Variants in TBX4 observed in about 807,000 individuals in gnomAD.
TBX4 encodes T-box transcription factor 4.
TBX4 carries 13 observed loss-of-function variants against 54.6 expected under a neutral mutation model. That is an observed-to-expected ratio of 0.24 (90% confidence interval 0.15 to 0.38). TBX4 has a LOEUF of 0.38. Ranked by LOEUF, TBX4 falls within the 10% of genes least tolerant of loss-of-function variation. The probability of loss-of-function intolerance (pLI) is 1.00; values close to 1 mark genes in which losing one functional copy is unlikely to be tolerated. For synonymous variants in TBX4, 314 were observed against 306.7 expected, an observed-to-expected ratio of 1.02 and a Z score of -0.25; for missense variants, 631 against 728.5, an observed-to-expected ratio of 0.87 and a Z score of 1.54.
At position 61,480,073 on chromosome 17, in the gene TBX4, C is replaced by A. The variant is rs765664594; in HGVS notation, c.792-17C>A. 38 of 1,612,660 alleles carry A rather than the reference C, an allele frequency of 2.4e-5. No homozygotes were observed. The East Asian group carries it at 8.0e-4, about 34-fold the overall frequency. On this transcript the variant is annotated splice_polypyrimidine_tract_variant and intron_variant, in intron 7 of 8. Transcript: ENST00000644296. This position sits in a 1 kb window ranked among gnomAD's most constrained non-coding sequence, Gnocchi z 6.2. ...ACTCTCTTCCTGTCTCTCCTCCTGT[C>A]CTCCCCACCCCTTCAGCAAAGAATA...
chr17:61,465,360 C>T lies in TBX4; in HGVS notation c.282-459C>T, dbSNP rs530922179. ...GCTCATTATTTATGGAAGCAGCTGA[C>T]GGGGGTTTCCGTCCCCCTATAACTG... On this transcript the variant is annotated intron_variant, in intron 3 of 8. Transcript: ENST00000644296. The surrounding 1 kb of genome is among the most constrained non-coding windows in gnomAD (Gnocchi z 4.9). Among the ~76,000 whole-genome samples the T allele has an allele frequency of 7.9e-5, 12 of 152,298 alleles. No individual in the cohort carries two copies. In the South Asian group the frequency reaches 1.0e-3, roughly 13 times the overall value.
intron 5 of TBX4, among the ~76,000 whole-genome samples, chr17:61,471,547 T>C (rs2143835790): frequency 1.3e-5 from 2 of 151,868 alleles, no homozygotes; most frequent in East Asian, 3.9e-4. Flanking sequence ...TTCAGCATTT[T>C]TTTTTTTTTT....
chr17:61,456,198 G>A (rs939055912), intron 1 of TBX4, among the ~76,000 whole-genome samples: 10 of 152,218 alleles, frequency 6.6e-5, no homozygotes, highest in African/African-American at 2.4e-4. Flanking sequence ...CTGTGGCAAT[G>A]CCGAGAGGGC....
rs1333494730 is a variant in TBX4 at position 61,478,913 on chromosome 17, G to A, written c.702+134G>A. On this transcript the variant is annotated intron_variant, in intron 6 of 8. Coordinates refer to ENST00000644296, the MANE Select transcript of TBX4 (RefSeq NM_001321120.2). This position sits in a 1 kb window ranked among gnomAD's most constrained non-coding sequence, Gnocchi z 7.4. ...CAGGCCCAGTGCAGGGACCTCAGAA[G>A]CCTAGAGTCCCTCGGAGCCGCGAGC... The A allele has an allele frequency of 7.2e-7, 1 of 1,397,930 alleles. No homozygotes were observed. 86.6% of individuals were successfully genotyped at this position (1,397,930 alleles called of 1,614,324 possible).
chr17:61,454,902 C>T (rs2060435738), intron 1 of TBX4, among the ~76,000 whole-genome samples: 1 of 152,250 alleles, frequency 6.6e-6, no homozygotes, highest in South Asian at 2.1e-4. Context: ...CGCTTGGTCG[C>T]TGGAGCCGAT....
rs547903006 is a variant in TBX4 at position 61,479,241 on chromosome 17, C to A, written c.702+462C>A. Among the ~76,000 whole-genome samples the A allele has an allele frequency of 6.6e-6, 1 of 152,232 alleles. No individual in the cohort carries two copies. Among genetic ancestry groups the A allele is most frequent in the South Asian group, 2.1e-4 (1 of 4,822 alleles). Reference sequence around the variant, plus strand: ...TCCCAGGCTGTGATAGGAGGTGCCCCAGCCACCTCCCACACTCACTACTGC... The same window carrying A: ...TCCCAGGCTGTGATAGGAGGTGCCCAAGCCACCTCCCACACTCACTACTGC... On this transcript the variant is annotated intron_variant, in intron 6 of 8. Transcript: ENST00000644296. This position sits in a 1 kb window ranked among gnomAD's most constrained non-coding sequence, Gnocchi z 6.1.
intron 3 of TBX4, among the ~76,000 whole-genome samples, chr17:61,458,780 T>C (rs1211947047): frequency 2.0e-5 from 3 of 152,240 alleles, no homozygotes; most frequent in Non-Finnish European, 4.4e-5. Context: ...ATATTAGCAA[T>C]AATTAGAGAA....
Position 61,483,710 on chromosome 17 carries a change from C to A in TBX4, c.*194C>A. ...CCATCTTCTGACATACAACTGAGGT[C>A]ATGACAAGGAAAAAAAACACCACAT... On this transcript the variant is annotated 3_prime_UTR_variant, in exon 9 of 9. Coordinates refer to ENST00000644296, the MANE Select transcript of TBX4 (RefSeq NM_001321120.2). This position sits in a 1 kb window ranked among gnomAD's most constrained non-coding sequence, Gnocchi z 6.6. 1 of 724,854 alleles carries A rather than the reference C, an allele frequency of 1.4e-6. No individual in the cohort carries two copies. Among genetic ancestry groups the A allele is most frequent in the Non-Finnish European group, 2.2e-6 (1 of 445,914 alleles). The allele number at this position is 724,854 out of a possible 1,614,324, so 44.9% of individuals were successfully genotyped here.
rs1196644757 is a variant in TBX4 at position 61,479,554 on chromosome 17, G to A, written c.703-327G>A. 2.0e-5 allele frequency among the ~76,000 whole-genome samples: 3 copies of A among 152,182 alleles called. No individual in the cohort carries two copies. Among genetic ancestry groups the A allele is most frequent in the African/African-American group, 7.2e-5 (3 of 41,448 alleles). On this transcript the variant is annotated intron_variant, in intron 6 of 8. Coordinates refer to ENST00000644296, the MANE Select transcript of TBX4 (RefSeq NM_001321120.2). The surrounding 1 kb of genome is among the most constrained non-coding windows in gnomAD (Gnocchi z 6.1). ...GAGAGACCCATGGGGACAGAAGCCC[G>A]GCAGTGCGGAGGGCTGGGGAGCAGG...
In TBX4 at chr17:61,461,925, G is replaced by T. The variant is rs1279602278; in HGVS notation, c.282-3894G>T. 6.6e-6 allele frequency among the ~76,000 whole-genome samples: 1 copy of T among 152,024 alleles called. No individual in the cohort carries two copies. The highest frequency in any genetic ancestry group is 1.5e-5 in the Non-Finnish European group (1 of 67,994). ...GCTTGGGGGACCCTCCAGGTGGAGA[G>T]AATCTAGGGGTATCCCCTAGTCTCT... is the stretch of plus-strand genomic sequence containing the variant. On this transcript the variant is annotated intron_variant, in intron 3 of 8. Transcript: ENST00000644296. This position sits in a 1 kb window ranked among gnomAD's most constrained non-coding sequence, Gnocchi z 5.1.
intron 1 of TBX4, among the ~76,000 whole-genome samples, chr17:61,453,489 T>C (rs2060427530): frequency 6.6e-6 from 1 of 152,142 alleles, no homozygotes; most frequent in Admixed American, 6.5e-5. Flanking sequence ...GTAATATAAA[T>C]AAAGACATAT....
Position 61,483,944 on chromosome 17 carries a change from G to A in TBX4, c.*428G>A, listed in dbSNP as rs892751603. On this transcript the variant is annotated 3_prime_UTR_variant, in exon 9 of 9. Transcript: ENST00000644296. This position sits in a 1 kb window ranked among gnomAD's most constrained non-coding sequence, Gnocchi z 6.6. ...GGGTGGGAAGATTCTCGCTGCTGGG[G>A]TGTGAGGACTCTGTGCACACCTTAG... 7.9e-6 allele frequency: 2 copies of A among 252,420 alleles called. No homozygotes were observed. Among genetic ancestry groups the A allele is most frequent in the Non-Finnish European group, 1.6e-5 (2 of 127,534 alleles). 15.6% of individuals were successfully genotyped at this position (252,420 alleles called of 1,614,324 possible). A position where few individuals can be genotyped will look rare whatever the true frequency, so the allele number is the denominator to read the frequency against.
chr17:61,455,647 G>A (rs749984112), intron 1 of TBX4, among the ~76,000 whole-genome samples: 10 of 152,232 alleles, frequency 6.6e-5, no homozygotes, highest in Non-Finnish European at 1.5e-4. Context: ...TCCTTCACTG[G>A]GAAGGGTGTG....
chr17:61,478,516 T>C lies in TBX4; in HGVS notation c.550-111T>C. 3 of 1,482,642 alleles carry C rather than the reference T, an allele frequency of 2.0e-6. No homozygotes were observed. The highest frequency in any genetic ancestry group is 1.4e-5 in the African/African-American group (1 of 72,462). 91.8% of individuals were successfully genotyped at this position (1,482,642 alleles called of 1,614,324 possible). A position where few individuals can be genotyped will look rare whatever the true frequency, so the allele number is the denominator to read the frequency against. On this transcript the variant is annotated intron_variant, in intron 5 of 8. Coordinates refer to ENST00000644296, the MANE Select transcript of TBX4 (RefSeq NM_001321120.2). This position sits in a 1 kb window ranked among gnomAD's most constrained non-coding sequence, Gnocchi z 7.4. ...GTCCTGGTCGGTAGGCCCCGGATCC[T>C]GGGCTTTGAGGAGAATGAGAAAAAC...
rs1467581518 is a variant in TBX4, at chr17:61,457,938, C to A, written c.281+307C>A. Among the ~76,000 whole-genome samples, 1 of 152,244 alleles carries A rather than the reference C, an allele frequency of 6.6e-6. No homozygotes were observed. Among genetic ancestry groups the A allele is most frequent in the Non-Finnish European group, 1.5e-5 (1 of 68,046 alleles). On this transcript the variant is annotated intron_variant, in intron 3 of 8. Coordinates refer to ENST00000644296, the MANE Select transcript of TBX4 (RefSeq NM_001321120.2). This position sits in a 1 kb window ranked among gnomAD's most constrained non-coding sequence, Gnocchi z 8.2. The stretch of plus-strand genomic sequence containing the variant: ...GCACTTTTGGCCCCCTGGGGGGCTG[C>A]TTTGCCCTCCTCTCTTTGAGGACCT...
intron 3 of TBX4, among the ~76,000 whole-genome samples, chr17:61,463,956 C>T (rs2060516562): frequency 6.6e-6 from 1 of 152,192 alleles, no homozygotes; most frequent in South Asian, 2.1e-4. Context: ...GGTGCAAGAT[C>T]CAGCTGCGCC....
At position 61,462,242 on chromosome 17, in the gene TBX4, C is replaced by G. The variant is rs952068299; in HGVS notation, c.282-3577C>G. ...CTCCAGCTCCGCACCCTTTCAGAGC[C>G]TGTTTCATGATCAGAGGAGAAGCCC... On this transcript the variant is annotated intron_variant, in intron 3 of 8. Coordinates refer to ENST00000644296, the MANE Select transcript of TBX4 (RefSeq NM_001321120.2). This position sits in a 1 kb window ranked among gnomAD's most constrained non-coding sequence, Gnocchi z 4.5. Among the ~76,000 whole-genome samples, 51 of 152,190 alleles carry G rather than the reference C, an allele frequency of 3.4e-4. No individual in the cohort carries two copies. The highest frequency in any genetic ancestry group is 3.3e-4 in the Admixed American group (5 of 15,280).
Position 61,457,849 on chromosome 17 carries a change from G to A in TBX4, c.281+218G>A, listed in dbSNP as rs1259473793. On this transcript the variant is annotated intron_variant, in intron 3 of 8. Coordinates refer to ENST00000644296, the MANE Select transcript of TBX4 (RefSeq NM_001321120.2). The surrounding 1 kb of genome is among the most constrained non-coding windows in gnomAD (Gnocchi z 8.2). ...GCGGGCCTTGCGGGAAAGACCGAGG[G>A]GAGGGGCAGCGCTATGCAAATGAAT... Among the ~76,000 whole-genome samples, 1 of 152,228 alleles carries A rather than the reference G, an allele frequency of 6.6e-6. No individual in the cohort carries two copies. The highest frequency in any genetic ancestry group is 2.4e-5 in the African/African-American group (1 of 41,458).
intron 5 of TBX4, among the ~76,000 whole-genome samples, chr17:61,477,427 C>T: frequency 6.6e-6 from 1 of 152,220 alleles, no homozygotes; most frequent in East Asian, 1.9e-4. Context: ...GCCGCGGCAA[C>T]CCGCCTCCCC....
Sources: allele counts gnomAD v4.1 joint callset (sites outside exome capture counted in the v4.1 genomes callset), GRCh38; gene constraint gnomAD v4.1.1; non-coding constraint Gnocchi (gnomAD v3.1); transcripts MANE v1.5; gene names NCBI Gene and HGNC (gene_info 2026-07-23, HGNC 2026-07-21).